Variants in FBLN2 observed in about 807,000 individuals in gnomAD.
FBLN2 encodes the protein fibulin-2.
FBLN2 carries 81 observed loss-of-function variants against 123.7 expected under a neutral mutation model. That is an observed-to-expected ratio of 0.65 (90% confidence interval 0.55 to 0.79). The LOEUF is 0.79. Among genes scored for constraint, FBLN2 ranks in the 30% least tolerant of loss-of-function variants. The pLI, the probability that FBLN2 is intolerant of heterozygous loss-of-function variation, is 0.00. For synonymous variants in FBLN2, 699 were observed against 701.4 expected, an observed-to-expected ratio of 1.00 and a Z score of 0.05; for missense variants, 1,603 against 1,681.3, an observed-to-expected ratio of 0.95 and a Z score of 0.81.
chr3:13,622,367 C>T (rs1174969889), intron 9 of FBLN2, among the ~76,000 whole-genome samples: 3 of 152,294 alleles, frequency 2.0e-5, no homozygotes, highest in Admixed American at 6.5e-5. Context: ...CCTCTTTTGA[C>T]GATTGTGTGA....
intron 9 of FBLN2, among the ~76,000 whole-genome samples, 187 bp from the exon 10 acceptor site, chr3:13,626,258 G>A (rs1004126694): frequency 6.6e-6 from 1 of 152,332 alleles, no homozygotes; most frequent in East Asian, 1.9e-4. Flanking sequence ...CATAGCAGGT[G>A]CTCAATAAAT....
At chr3:13,599,862 G>A (rs905866815) in intron 2 of FBLN2, among the ~76,000 whole-genome samples, 2 of 151,516 alleles carry the variant, frequency 1.3e-5, no homozygotes, top group Non-Finnish European at 2.9e-5. Flanking sequence ...GGCCAGCTGT[G>A]GGCATGTGCA....
Position 13,571,033 on chromosome 3 carries a change from G to A in FBLN2, c.678G>A (p.Gly226=). The A allele has an allele frequency of 6.4e-7, 1 of 1,573,622 alleles. No homozygotes were observed. The highest frequency in any genetic ancestry group is 8.6e-7 in the Non-Finnish European group (1 of 1,160,398). The change falls in exon 2 of 18, where the codon GGG becomes GGA. Residue 226 remains glycine (G), a synonymous_variant. Transcript: ENST00000404922. ...CGGGTGCAGTCCAGGCAGGCGCAGG[G>A]GGCCCCCCAGCTGCTCTGGGAGGTG... ...VQAGAVQAGA[G]GPPAALGGGS...
chr3:13,564,871 C>T (rs191145111), intron 1 of FBLN2, among the ~76,000 whole-genome samples: 190 of 152,296 alleles, frequency 1.2e-3, no homozygotes, highest in South Asian at 3.1e-3. Flanking sequence ...CTATAGGATG[C>T]GTGTTTGTTT....
intron 4 of FBLN2, chr3:13,613,764 A>C (rs1705480465): frequency 2.1e-6 from 1 of 484,460 alleles, no homozygotes; most frequent in Non-Finnish European, 3.6e-6. Context: ...CTTCAACTAA[A>C]GGCCATTTAC....
chr3:13,628,852 G>A, intron 11 of FBLN2, 53 bp from the exon 12 acceptor site: 1 of 1,591,082 alleles, frequency 6.3e-7, no homozygotes, highest in South Asian at 1.1e-5. Context: ...GAGGGGCTGG[G>A]GCCTGGGAGG....
chr3:13,610,549 T>C (rs1452950560), intron 4 of FBLN2, among the ~76,000 whole-genome samples: 1 of 152,108 alleles, frequency 6.6e-6, no homozygotes, highest in African/African-American at 2.4e-5. Context: ...GTCCTCAGGC[T>C]GGACCATAAA....
At chr3:13,556,489 C>A (rs764480428) in intron 1 of FBLN2, among the ~76,000 whole-genome samples, 1 of 152,158 alleles carries the variant, frequency 6.6e-6, no homozygotes, top group Non-Finnish European at 1.5e-5. Context: ...CCCCTGATAC[C>A]ATCCCACTGG....
At chr3:13,613,340 G>A (rs866441110) in intron 4 of FBLN2, among the ~76,000 whole-genome samples, 13 of 152,294 alleles carry the variant, frequency 8.5e-5, no homozygotes, top group Middle Eastern at 3.4e-3. Context: ...AATTGTTGCC[G>A]TTATTGCAAC....
In FBLN2 at chr3:13,570,424, C is replaced by T. The variant is rs762938767; in HGVS notation, c.69C>T (p.Ser23=). 1.7e-5 allele frequency: 26 copies of T among 1,574,066 alleles called. No individual in the cohort carries two copies. The highest frequency in any genetic ancestry group is 1.5e-4 in the Admixed American group (8 of 54,748). The change falls in exon 2 of 18, where the codon AGC becomes AGT. Residue 23 remains serine, a synonymous_variant. Transcript: ENST00000404922. Reference sequence around the variant, plus strand: ...GCCTGGCCCTGGCCCTGGGCCCCAGCGTGGCCGCAGCTGCCCCTCGGCAGG... The same window carrying T: ...GCCTGGCCCTGGCCCTGGGCCCCAGTGTGGCCGCAGCTGCCCCTCGGCAGG... The part of the protein sequence containing the change: ...ALGLALALGP[S]VAAAAPRQDC...
At chr3:13,576,045 G>A (rs987961272) in intron 2 of FBLN2, among the ~76,000 whole-genome samples, 17 of 152,174 alleles carry the variant, frequency 1.1e-4, no homozygotes, top group African/African-American at 3.9e-4. Flanking sequence ...ACCGTAAGCA[G>A]GCTGGAAGCA....
chr3:13,633,363 T>A (rs900827877), intron 16 of FBLN2, among the ~76,000 whole-genome samples: 11 of 152,252 alleles, frequency 7.2e-5, no homozygotes, highest in African/African-American at 2.7e-4. Context: ...AGGCCCCCAG[T>A]GTGCCACCAG....
intron 1 of FBLN2, among the ~76,000 whole-genome samples, chr3:13,566,950 C>G (rs557280135): frequency 6.6e-6 from 1 of 152,244 alleles, no homozygotes; most frequent in Non-Finnish European, 1.5e-5. Context: ...AGAACCAGGG[C>G]TCAGAGAGGG....
chr3:13,602,418 GT>G (rs1378130052), intron 2 of FBLN2, among the ~76,000 whole-genome samples: 9 of 152,048 alleles, frequency 5.9e-5, no homozygotes, highest in African/African-American at 2.2e-4. Flanking sequence ...TAAGCATTTC[GT>G]TTTTTGGATG....
chr3:13,556,597 C>T (rs151275880), intron 1 of FBLN2, among the ~76,000 whole-genome samples: 1 of 152,340 alleles, frequency 6.6e-6, no homozygotes, highest in Non-Finnish European at 1.5e-5. Flanking sequence ...ACTGTAACAC[C>T]AGCTGCCAGT....
intron 10 of FBLN2, 36 bp from the exon 11 acceptor site, chr3:13,627,796 C>T (rs1157812892): frequency 1.9e-6 from 3 of 1,590,182 alleles, no homozygotes; most frequent in Non-Finnish European, 2.6e-6. Flanking sequence ...GCAGGACCTG[C>T]CCCCCAGCCC....
chr3:13,585,990 C>G (rs151116770), intron 2 of FBLN2, among the ~76,000 whole-genome samples: 122 of 152,250 alleles, frequency 8.0e-4, no homozygotes, highest in African/African-American at 2.8e-3. Context: ...AACTATAAAA[C>G]AGCCTCTGGC....
At chr3:13,572,946 A>G (rs3773299) in intron 2 of FBLN2, among the ~76,000 whole-genome samples, 7,440 of 152,262 alleles carry the variant, frequency 0.049, 292 homozygotes, top group South Asian at 0.17. Context: ...GACCCCACGC[A>G]GGTTTGAAAC....
intron 2 of FBLN2, among the ~76,000 whole-genome samples, chr3:13,599,010 C>T (rs62232964): frequency 0.063 from 9,610 of 152,232 alleles, 389 homozygotes; most frequent in Non-Finnish European, 0.085. Flanking sequence ...AGGCGTAGAA[C>T]AAGAGAAGGT....
Sources: gnomAD v4.1 joint callset for allele counts (sites outside exome capture counted in the v4.1 genomes callset) on GRCh38, gnomAD v4.1.1 for gene constraint, MANE v1.5 for transcripts, NCBI Gene and HGNC (gene_info 2026-07-23, HGNC 2026-07-21) for gene names.